PTPN9: variants seen among roughly 807,000 people sequenced by gnomAD.
The protein encoded by PTPN9 is protein tyrosine phosphatase non-receptor type 9, also known as tyrosine-protein phosphatase non-receptor type 9.
Under a neutral mutation model 69.8 loss-of-function variants are expected in PTPN9, and 26 were observed. The observed-to-expected ratio is 0.37, with a 90% CI of 0.27 to 0.52. The LOEUF (loss-of-function observed/expected upper bound fraction) is 0.52. PTPN9 is among the 20% of genes least tolerant of loss of function. The pLI, the probability that PTPN9 is intolerant of heterozygous loss-of-function variation, is 0.91. For missense variants in PTPN9, 549 were observed against 740.3 expected (o/e 0.74, Z 3.00); for synonymous variants, 274 against 272.5 (o/e 1.01, Z -0.05).
intron 1 of PTPN9, among the ~76,000 whole-genome samples, chr15:75,530,343 G>A (rs1434569254): frequency 1.5e-5 from 2 of 136,262 alleles, no homozygotes; most frequent in Non-Finnish European, 3.0e-5. Context: ...AGATCAGCCT[G>A]GCCAACGTAG....
At chr15:75,489,286 GT>G (rs2141298970) in intron 8 of PTPN9, among the ~76,000 whole-genome samples, 2 of 151,252 alleles carry the variant, frequency 1.3e-5, no homozygotes, top group African/African-American at 4.9e-5. Flanking sequence ...AAATAAAGAT[GT>G]TGTACTCTGG....
At chr15:75,560,364 G>C (rs2075099181) in intron 1 of PTPN9, among the ~76,000 whole-genome samples, 1 of 152,078 alleles carries the variant, frequency 6.6e-6, no homozygotes, top group Non-Finnish European at 1.5e-5. Flanking sequence ...CCCTAACCTA[G>C]CCAGAAATAC....
rs35248279 is a variant in PTPN9, at chr15:75,500,344, TACACACACAC to T, written c.968+5321_968+5330del. Among the ~76,000 whole-genome samples the T allele has an allele frequency of 7.9e-3, 1,123 of 142,556 alleles. 12 individuals are homozygous for T. The highest frequency in any genetic ancestry group is 0.012 in the Non-Finnish European group (798 of 65,094). 93.5% of individuals were successfully genotyped at this position (142,556 alleles called of 152,430 possible). ...AAATAAATAAATAAACAAACATACATACACACACACACACACACACACACACATATATATA... is the reference window on the plus strand; with the variant it reads ...AAATAAATAAATAAACAAACATACATACACACACACACACACATATATATA... On this transcript the variant is annotated intron_variant, in intron 7 of 12. Transcript: ENST00000618819.
At chr15:75,539,075 C>G (rs2074997190) in intron 1 of PTPN9, among the ~76,000 whole-genome samples, 1 of 152,066 alleles carries the variant, frequency 6.6e-6, no homozygotes, top group Non-Finnish European at 1.5e-5. Flanking sequence ...TGGAAGATAA[C>G]TATAAGCAAC....
At chr15:75,495,535 A>C (rs1167490800) in intron 7 of PTPN9, among the ~76,000 whole-genome samples, 1 of 152,124 alleles carries the variant, frequency 6.6e-6, no homozygotes, top group East Asian at 1.9e-4. Flanking sequence ...CAACATAGTG[A>C]AACCATGTCT....
intron 1 of PTPN9, among the ~76,000 whole-genome samples, chr15:75,528,622 G>A (rs180925825): frequency 5.9e-5 from 9 of 151,808 alleles, no homozygotes; most frequent in Non-Finnish European, 1.2e-4. Context: ...CTCAAACTCC[G>A]GGGCTCAAGC....
Position 75,490,299 on chromosome 15 carries a change from G to T in PTPN9, c.971C>A (p.Ser324Tyr), listed in dbSNP as rs780462038. Residue 324 changes from serine (S) to tyrosine (Y), a missense_variant and splice_region_variant, in exon 8 of 13, where the codon TCT becomes TAT. Around this residue, in one of 3 missense-constraint regions of PTPN9, gnomAD observed 457 missense variants for 661.9 expected, o/e 0.69. Transcript: ENST00000618819. ...ACGGTTTTTCTCTAGGTTTCCTGGA[G>T]ACCTGAAGGAAACGAAACAAACAAG... ...NPVGTFHCSM[S>Y]PGNLEKNRYG... The T allele has an allele frequency of 6.2e-7, 1 of 1,604,368 alleles. No homozygotes were observed. The highest frequency in any genetic ancestry group is 8.5e-7 in the Non-Finnish European group (1 of 1,171,214).
At chr15:75,556,146 C>A (rs2075076161) in intron 1 of PTPN9, among the ~76,000 whole-genome samples, 1 of 150,816 alleles carries the variant, frequency 6.6e-6, no homozygotes, top group Non-Finnish European at 1.5e-5. Flanking sequence ...CTCAGTGCAA[C>A]CTCCACCTCC....
At chr15:75,542,566 AG>A (rs955554186) in intron 1 of PTPN9, among the ~76,000 whole-genome samples, 2 of 152,208 alleles carry the variant, frequency 1.3e-5, no homozygotes. Flanking sequence ...GGCAACACTG[AG>A]GGGCCAGAGT....
At chr15:75,509,851 G>A (rs962988828) in intron 5 of PTPN9, among the ~76,000 whole-genome samples, 1 of 152,146 alleles carries the variant, frequency 6.6e-6, no homozygotes, top group African/African-American at 2.4e-5. Flanking sequence ...GGGCATGGTG[G>A]CATGTGCCTG....
At chr15:75,488,343 G>T (rs1167206244) in intron 8 of PTPN9, among the ~76,000 whole-genome samples, 4 of 144,310 alleles carry the variant, frequency 2.8e-5, no homozygotes, top group African/African-American at 7.6e-5. Flanking sequence ...TCAATGCTGG[G>T]TTTTTTTTTT....
chr15:75,528,878 T>C (rs2141323142), intron 1 of PTPN9, among the ~76,000 whole-genome samples: 1 of 152,014 alleles, frequency 6.6e-6, no homozygotes, highest in East Asian at 1.9e-4. Context: ...TTTTTTTGAT[T>C]TTTTGTAGAG....
At chr15:75,471,459 C>T (rs567461054) in intron 10 of PTPN9, among the ~76,000 whole-genome samples, 74 of 152,060 alleles carry the variant, frequency 4.9e-4, no homozygotes, top group Non-Finnish European at 9.7e-4. Context: ...AAAAATTAGT[C>T]AGGCATGGTG....
intron 7 of PTPN9, among the ~76,000 whole-genome samples, chr15:75,492,151 G>A (rs1264922809): frequency 6.6e-6 from 1 of 152,182 alleles, no homozygotes. Flanking sequence ...GGGATTATAG[G>A]TGTGAGTCAC....
At chr15:75,511,411 T>G (rs1375141018) in intron 5 of PTPN9, among the ~76,000 whole-genome samples, 1 of 152,088 alleles carries the variant, frequency 6.6e-6, no homozygotes, top group African/African-American at 2.4e-5. Flanking sequence ...TCTAATTTTG[T>G]ATTTTTGTAG....
intron 1 of PTPN9, among the ~76,000 whole-genome samples, chr15:75,545,587 C>T (rs2075028648): frequency 6.6e-6 from 1 of 152,062 alleles, no homozygotes; most frequent in Non-Finnish European, 1.5e-5. Context: ...TATCTTAATT[C>T]CCTGCCAATA....
intron 1 of PTPN9, among the ~76,000 whole-genome samples, chr15:75,558,920 G>A (rs2075089935): frequency 6.6e-6 from 1 of 152,182 alleles, no homozygotes; most frequent in African/African-American, 2.4e-5. Context: ...CTCCCAAAGT[G>A]CCGAGATTGC....
In PTPN9 at chr15:75,468,742, C is replaced by A; in HGVS notation, c.*27G>T. The A allele has an allele frequency of 6.2e-7, 1 of 1,604,444 alleles. No homozygotes were observed. Among genetic ancestry groups the A allele is most frequent in the Non-Finnish European group, 8.5e-7 (1 of 1,174,222 alleles). On this transcript the variant is annotated 3_prime_UTR_variant, in exon 13 of 13. Coordinates refer to ENST00000618819, the MANE Select transcript of PTPN9 (RefSeq NM_002833.4). Reference sequence around the variant, plus strand: ...TCCAGGGTAGTTTAAGGAAGGCTGGCCAACAGGTAGGAGGTTCGTAGGAGA... The same window carrying A: ...TCCAGGGTAGTTTAAGGAAGGCTGGACAACAGGTAGGAGGTTCGTAGGAGA...
rs868828076 is a variant in PTPN9 at position 75,548,799 on chromosome 15, G to A, written c.64-21538C>T. On this transcript the variant is annotated intron_variant, in intron 1 of 12. Coordinates refer to ENST00000618819, the MANE Select transcript of PTPN9 (RefSeq NM_002833.4). ...CTCCCGAGTAGCTGGGACTACAGGC[G>A]CCCGCCACCACGCCCGGCTAATTTT... Among the ~76,000 whole-genome samples, 13 of 150,862 alleles carry A rather than the reference G, an allele frequency of 8.6e-5. No homozygotes were observed. The South Asian group carries it at 2.5e-3, about 29-fold the overall frequency.
Sources: allele counts gnomAD v4.1 joint callset (sites outside exome capture counted in the v4.1 genomes callset), GRCh38; gene constraint gnomAD v4.1.1; regional missense constraint gnomAD v4.1.1; transcripts MANE v1.5; gene names NCBI Gene and HGNC (gene_info 2026-07-23, HGNC 2026-07-21).